PIGK: variants seen among roughly 807,000 people sequenced by gnomAD.
PIGK encodes the protein GPI-anchor transamidase.
In PIGK, 42 loss-of-function variants were observed where a neutral mutation model predicts 50.6. The observed-to-expected ratio is 0.83, with a 90% CI of 0.65 to 1.07. The LOEUF is 1.07. Ranked by LOEUF, PIGK falls within the 50% of genes least tolerant of loss-of-function variation. The pLI, the probability that PIGK is intolerant of heterozygous loss-of-function variation, is 0.00. For missense variants in PIGK, 448 were observed against 488.7 expected, an observed-to-expected ratio of 0.92 and a Z score of 0.78; for synonymous variants, 151 against 156.0, an observed-to-expected ratio of 0.97 and a Z score of 0.24.
intron 10 of PIGK, 62 bp downstream of exon 10, chr1:77,122,213 G>A (rs899282101): frequency 2.9e-5 from 31 of 1,077,346 alleles, no homozygotes; most frequent in Non-Finnish European, 4.4e-5. Context: ...CCTAACAAAA[G>A]CAATTACTTC....
chr1:77,155,250 C>A (rs887674955), intron 8 of PIGK, among the ~76,000 whole-genome samples: 1 of 152,132 alleles, frequency 6.6e-6, no homozygotes, highest in South Asian at 2.1e-4. Context: ...TACTCCAGTG[C>A]TCCAAAGAAT....
At chr1:77,171,668 T>C (rs1655365977) in intron 3 of PIGK, among the ~76,000 whole-genome samples, 1 of 151,998 alleles carries the variant, frequency 6.6e-6, no homozygotes, top group Non-Finnish European at 1.5e-5. Context: ...AATCAATATA[T>C]TATAAAACAC....
At chr1:77,133,901 T>TGGCA (rs1297736193) in intron 9 of PIGK, among the ~76,000 whole-genome samples, 1,654 of 152,304 alleles carry the variant, frequency 0.011, 25 homozygotes, top group African/African-American at 0.038. Context: ...GAATTTGGCA[T>TGGCA]GCCAGCCTCA....
intron 3 of PIGK, among the ~76,000 whole-genome samples, chr1:77,174,115 G>A (rs965069633): frequency 1.1e-4 from 17 of 152,286 alleles, no homozygotes; most frequent in East Asian, 5.8e-4. Context: ...CTTAGGGAAC[G>A]AGTCCTTTCT....
intron 9 of PIGK, among the ~76,000 whole-genome samples, chr1:77,152,567 G>A (rs773632713): frequency 6.4e-4 from 97 of 151,596 alleles, no homozygotes; most frequent in Non-Finnish European, 9.4e-4. Flanking sequence ...AAGAGACAAC[G>A]TACAGAATGA....
At chr1:77,181,579 A>C (rs1240721978) in intron 3 of PIGK, among the ~76,000 whole-genome samples, 2 of 152,190 alleles carry the variant, frequency 1.3e-5, no homozygotes, top group Non-Finnish European at 2.9e-5. Context: ...TAGAGCTAAG[A>C]TCTTCAGGCT....
At chr1:77,148,593 A>C (rs997866236) in intron 9 of PIGK, among the ~76,000 whole-genome samples, 4 of 152,118 alleles carry the variant, frequency 2.6e-5, no homozygotes, top group Non-Finnish European at 4.4e-5. Flanking sequence ...AAAAACGCAA[A>C]TTGTGACATC....
intron 10 of PIGK, among the ~76,000 whole-genome samples, chr1:77,096,881 C>CTTTTTTTTTT (rs141858558): frequency 1.2e-3 from 149 of 123,856 alleles, no homozygotes; most frequent in Non-Finnish European, 1.5e-3. Context: ...TCGGGTTTTT[C>CTTTTTTTTTT]TTTTTTTTTT....
chr1:77,092,496 AAACAAGAAT>A lies in PIGK; in HGVS notation c.1072-15_1072-7del. ...CAGTCTTTCAGCTTCGGTTTCTGCAAAACAAGAATAACATGATAAATTTTATAACAGGTA... is the reference window on the plus strand; with the variant it reads ...CAGTCTTTCAGCTTCGGTTTCTGCAAAACATGATAAATTTTATAACAGGTA... On this transcript the variant is annotated splice_polypyrimidine_tract_variant and splice_region_variant and intron_variant, in intron 10 of 10. Coordinates refer to ENST00000370812, the MANE Select transcript of PIGK (RefSeq NM_005482.3). The A allele has an allele frequency of 7.3e-7, 1 of 1,374,100 alleles. No individual in the cohort carries two copies. 85.1% of individuals were successfully genotyped at this position (1,374,100 alleles called of 1,614,324 possible).
intron 1 of PIGK, 26 bp downstream of exon 1, chr1:77,219,284 T>A (rs1656666344): frequency 6.3e-7 from 1 of 1,594,878 alleles, no homozygotes; most frequent in African/African-American, 1.3e-5. Flanking sequence ...GCCTCCCGGC[T>A]GTGGTCAAAT....
chr1:77,193,445 AG>A (rs1655959934), intron 3 of PIGK, among the ~76,000 whole-genome samples: 1 of 152,186 alleles, frequency 6.6e-6, no homozygotes, highest in Admixed American at 6.5e-5. Context: ...GGTGTCTAAA[AG>A]GAACAGACTC....
At chr1:77,150,243 C>T (rs182486386) in intron 9 of PIGK, among the ~76,000 whole-genome samples, 1 of 151,848 alleles carries the variant, frequency 6.6e-6, no homozygotes, top group Non-Finnish European at 1.5e-5. Flanking sequence ...TCAGACTGGG[C>T]GCAGTGGCTT....
intron 3 of PIGK, among the ~76,000 whole-genome samples, chr1:77,170,562 A>G (rs1376906658): frequency 3.3e-5 from 5 of 152,190 alleles, no homozygotes; most frequent in African/African-American, 4.8e-5. Flanking sequence ...GGCAGGGGCT[A>G]TATCTGTCCT....
chr1:77,122,206 A>G lies in PIGK; in HGVS notation c.1071+69T>C, dbSNP rs1654113183. 2.9e-6 allele frequency: 3 copies of G among 1,042,560 alleles called. No homozygotes were observed. The Admixed American group carries it at 5.4e-5, about 19-fold the overall frequency. 64.6% of individuals were successfully genotyped at this position (1,042,560 alleles called of 1,614,324 possible). ...ATAGCACATTGATTCTGAAAAACCT[A>G]ACAAAAGCAATTACTTCTCAGCGAT... On this transcript the variant is annotated intron_variant, in intron 10 of 10. Transcript: ENST00000370812.
intron 8 of PIGK, among the ~76,000 whole-genome samples, chr1:77,156,380 A>G (rs1018350431): frequency 6.6e-6 from 1 of 152,202 alleles, no homozygotes; most frequent in South Asian, 2.1e-4. Context: ...AATTTTTATC[A>G]TATCAATCTG....
chr1:77,134,663 T>A (rs1407548209), intron 9 of PIGK, among the ~76,000 whole-genome samples: 1 of 151,828 alleles, frequency 6.6e-6, no homozygotes, highest in South Asian at 2.1e-4. Context: ...TCCCCAAATC[T>A]AGATTTTTAG....
rs1349052729 is a variant in PIGK, at chr1:77,117,609, A to G, written c.1071+4666T>C. On this transcript the variant is annotated intron_variant, in intron 10 of 10. Coordinates refer to ENST00000370812, the MANE Select transcript of PIGK (RefSeq NM_005482.3). ...ACCTACCTTCCCAGAGTTCTGCAGT[A>G]TAAACTGGCTGGTTCTTATAGGGCT... Among the ~76,000 whole-genome samples, 3 of 152,192 alleles carry G rather than the reference A, an allele frequency of 2.0e-5. No individual in the cohort carries two copies. In the East Asian group the frequency reaches 5.8e-4, roughly 29 times the overall value.
intron 9 of PIGK, among the ~76,000 whole-genome samples, chr1:77,126,003 G>C (rs1419471593): frequency 6.6e-6 from 1 of 151,720 alleles, no homozygotes; most frequent in Non-Finnish European, 1.5e-5. Flanking sequence ...GATGATTTTT[G>C]TCTTTTTTCA....
chr1:77,170,161 A>T (rs1262678255), intron 3 of PIGK, among the ~76,000 whole-genome samples: 2 of 151,870 alleles, frequency 1.3e-5, no homozygotes, highest in Non-Finnish European at 2.9e-5. Flanking sequence ...GTTTCCAAGG[A>T]CTCCCCATTA....
Sources: gnomAD v4.1 joint callset for allele counts (sites outside exome capture counted in the v4.1 genomes callset) on GRCh38, gnomAD v4.1.1 for gene constraint, MANE v1.5 for transcripts, NCBI Gene and HGNC (gene_info 2026-07-23, HGNC 2026-07-21) for gene names.